The following OSBPL9 variants were observed in gnomAD, a reference collection of about 807,000 sequenced individuals.
OSBPL9 encodes oxysterol binding protein like 9, also known as oxysterol-binding protein-related protein 9.
Under a neutral mutation model 106.6 loss-of-function variants are expected in OSBPL9, and 40 were observed. That is an observed-to-expected ratio of 0.38 (90% confidence interval 0.29 to 0.49). The LOEUF (loss-of-function observed/expected upper bound fraction) is 0.49. OSBPL9 is among the 20% of genes least tolerant of loss of function. The pLI is 0.97. For missense variants in OSBPL9, 609 were observed against 887.2 expected (o/e 0.69, Z 3.98); for synonymous variants, 269 against 295.4 (o/e 0.91, Z 0.92).
chr1:51,659,921 A>G (rs1030267082), intron 2 of OSBPL9, among the ~76,000 whole-genome samples: 5 of 152,140 alleles, frequency 3.3e-5, no homozygotes, highest in African/African-American at 1.2e-4. Context: ...CACTCCAGAT[A>G]TTAAGTTTTT....
chr1:51,627,801 C>T (rs1394364634), intron 1 of OSBPL9, among the ~76,000 whole-genome samples: 3 of 151,960 alleles, frequency 2.0e-5, no homozygotes, highest in Non-Finnish European at 4.4e-5. Flanking sequence ...CTCTGTTAGT[C>T]CATCTTGCAT....
At chr1:51,753,225 G>T (rs1174032023) in intron 8 of OSBPL9, among the ~76,000 whole-genome samples, 1 of 152,128 alleles carries the variant, frequency 6.6e-6, no homozygotes, top group Non-Finnish European at 1.5e-5. Flanking sequence ...GTCTTAAAGA[G>T]CGTGGATTAT....
At chr1:51,600,163 C>T (rs886507278) in intron 2 of OSBPL9, among the ~76,000 whole-genome samples, 49 of 152,284 alleles carry the variant, frequency 3.2e-4, no homozygotes, top group Middle Eastern at 3.4e-3. Flanking sequence ...ACATTCAAAC[C>T]GTAGCACCAC....
the OSBPL9 span, among the ~76,000 whole-genome samples, chr1:51,563,891 G>A: frequency 6.6e-6 from 1 of 151,310 alleles, no homozygotes; most frequent in Non-Finnish European, 1.5e-5. Flanking sequence ...ACCGGCCTGG[G>A]CAATATAGTG....
At chr1:51,533,251 G>A in the OSBPL9 span, among the ~76,000 whole-genome samples, 1 of 152,080 alleles carries the variant, frequency 6.6e-6, no homozygotes, top group African/African-American at 2.4e-5. Context: ...GAAGGCTGAG[G>A]TGGGTGGATT....
At chr1:51,581,526 C>G (rs1645221559) in intron 1 of OSBPL9, among the ~76,000 whole-genome samples, 1 of 152,174 alleles carries the variant, frequency 6.6e-6, no homozygotes, top group Non-Finnish European at 1.5e-5. Context: ...TGCTCCACCT[C>G]TTTGAGGGCA....
chr1:51,764,583 CTTT>C (rs531240886), intron 11 of OSBPL9, among the ~76,000 whole-genome samples: 9 of 135,660 alleles, frequency 6.6e-5, no homozygotes, highest in Non-Finnish European at 1.1e-4. Flanking sequence ...ACTCTGGATT[CTTT>C]TTTTTTTTTT....
intron 3 of OSBPL9, among the ~76,000 whole-genome samples, chr1:51,694,882 A>C (rs1655703084): frequency 6.6e-6 from 1 of 152,200 alleles, no homozygotes; most frequent in African/African-American, 2.4e-5. Context: ...ATTGGCAATA[A>C]ATGTTGTCAA....
chr1:51,541,886 C>G, the OSBPL9 span, among the ~76,000 whole-genome samples: 1 of 149,722 alleles, frequency 6.7e-6, no homozygotes, highest in African/African-American at 2.5e-5. Flanking sequence ...ATTTACCCAG[C>G]CTTTTTTTTT....
chr1:51,549,638 C>G, the OSBPL9 span, among the ~76,000 whole-genome samples: 1 of 152,160 alleles, frequency 6.6e-6, no homozygotes, highest in African/African-American at 2.4e-5. Flanking sequence ...TAGGGACCAG[C>G]CTGGCCAACA....
chr1:51,618,688 A>G (rs1644239519), intron 1 of OSBPL9, among the ~76,000 whole-genome samples: 1 of 152,244 alleles, frequency 6.6e-6, no homozygotes, highest in Non-Finnish European at 1.5e-5. Context: ...CTTATATACT[A>G]GCTTGGTGAG....
intron 3 of OSBPL9, among the ~76,000 whole-genome samples, chr1:51,705,095 T>C (rs183723229): frequency 1.3e-5 from 2 of 152,198 alleles, no homozygotes; most frequent in East Asian, 3.9e-4. Flanking sequence ...TTTTTTCTTA[T>C]AGTAAAGACA....
At chr1:51,612,737 G>T (rs998264169), upstream of OSBPL9, among the ~76,000 whole-genome samples, 1 of 152,220 alleles carries the variant, frequency 6.6e-6, no homozygotes, top group Non-Finnish European at 1.5e-5. Context: ...TTTAGAAGTT[G>T]ATGATGTTGC....
intron 3 of OSBPL9, among the ~76,000 whole-genome samples, chr1:51,703,528 TAAG>T (rs1657774340): frequency 6.6e-6 from 1 of 152,226 alleles, no homozygotes; most frequent in African/African-American, 2.4e-5. Context: ...CTTATCAGCT[TAAG>T]GAGATTTTGG....
intron 3 of OSBPL9, among the ~76,000 whole-genome samples, chr1:51,712,040 A>G (rs1660121309): frequency 6.6e-6 from 1 of 152,154 alleles, no homozygotes; most frequent in Middle Eastern, 3.4e-3. Context: ...CAATCTCGGC[A>G]CTTTGGGAGG....
intron 1 of OSBPL9, among the ~76,000 whole-genome samples, chr1:51,617,882 C>A (rs1199404611): frequency 6.6e-6 from 1 of 152,186 alleles, no homozygotes; most frequent in Non-Finnish European, 1.5e-5. Flanking sequence ...CGAAGAGAGA[C>A]AAGTGATAGT....
At chr1:51,637,407 A>G (rs1415932529) in intron 1 of OSBPL9, among the ~76,000 whole-genome samples, 2 of 151,978 alleles carry the variant, frequency 1.3e-5, no homozygotes, top group Non-Finnish European at 2.9e-5. Flanking sequence ...GGAGAATCAG[A>G]GGCTACAGTG....
Position 51,626,079 on chromosome 1 carries a change from G to A in OSBPL9, c.111+8858G>A, listed in dbSNP as rs1046574766. ...CTTAGTATTGTTATGGCACAGCTGGGTGAAAATACACTGGATAAAAATGTG... is the reference window on the plus strand; with the variant it reads ...CTTAGTATTGTTATGGCACAGCTGGATGAAAATACACTGGATAAAAATGTG... On this transcript the variant is annotated intron_variant, in intron 1 of 23. Coordinates refer to ENST00000428468, the MANE Select transcript of OSBPL9 (RefSeq NM_024586.6). Among the ~76,000 whole-genome samples, 3 of 152,180 alleles carry A rather than the reference G, an allele frequency of 2.0e-5. No homozygotes were observed. The South Asian group carries it at 6.2e-4, about 32-fold the overall frequency.
intron 3 of OSBPL9, among the ~76,000 whole-genome samples, chr1:51,686,744 TC>T (rs960614805): frequency 5.1e-4 from 78 of 152,300 alleles, no homozygotes; most frequent in African/African-American, 1.8e-3. Flanking sequence ...CTAGGGATGC[TC>T]CCCGTATGGA....
Sources: gnomAD v4.1 joint callset for allele counts (sites outside exome capture counted in the v4.1 genomes callset) on GRCh38, gnomAD v4.1.1 for gene constraint, MANE v1.5 for transcripts, NCBI Gene and HGNC (gene_info 2026-07-23, HGNC 2026-07-21) for gene names.